The following TMEM178B variants were observed in gnomAD, a reference collection of about 807,000 sequenced individuals.
TMEM178B encodes transmembrane protein 178B.
A neutral mutation model predicts 31.0 loss-of-function variants in TMEM178B; 5 were observed. The ratio of observed to expected loss-of-function variants is 0.16; its 90% CI spans 0.08 to 0.34. TMEM178B has a LOEUF of 0.34. Ranked by LOEUF, TMEM178B falls within the 10% of genes least tolerant of loss-of-function variation. The probability of loss-of-function intolerance (pLI) is 1.00; values close to 1 mark genes in which losing one functional copy is unlikely to be tolerated. For synonymous variants in TMEM178B, 164 were observed against 164.0 expected (o/e 1.00, Z 0.00); for missense variants, 275 against 400.3 (o/e 0.69, Z 2.67).
At chr7:141,178,875 C>G (rs1452012899) in intron 1 of TMEM178B, among the ~76,000 whole-genome samples, 1 of 152,150 alleles carries the variant, frequency 6.6e-6, no homozygotes, top group African/African-American at 2.4e-5. Flanking sequence ...AGACTTTTGT[C>G]TAGAGGAAGC....
chr7:141,167,914 A>C (rs143518894), intron 1 of TMEM178B, among the ~76,000 whole-genome samples: 470 of 152,272 alleles, frequency 3.1e-3, no homozygotes, highest in Middle Eastern at 6.8e-3. Flanking sequence ...TTGCCCCTAC[A>C]TTTTTGTAAA....
intron 2 of TMEM178B, among the ~76,000 whole-genome samples, chr7:141,403,956 A>G (rs1447804179): frequency 6.6e-6 from 1 of 152,176 alleles, no homozygotes; most frequent in African/African-American, 2.4e-5. Context: ...GTTTACCCCC[A>G]ATGTGTTAGT....
intron 2 of TMEM178B, among the ~76,000 whole-genome samples, chr7:141,213,792 A>C (rs2129188037): frequency 6.6e-6 from 1 of 152,356 alleles, no homozygotes; most frequent in African/African-American, 2.4e-5. Flanking sequence ...AAAATTAAAC[A>C]GAACAATCAT....
intron 1 of TMEM178B, among the ~76,000 whole-genome samples, chr7:141,117,536 G>A (rs529372444): frequency 1.4e-4 from 22 of 152,168 alleles, no homozygotes; most frequent in Non-Finnish European, 2.5e-4. Context: ...GTCAATTTTG[G>A]CTTTTGTTGC....
At chr7:141,375,418 G>A (rs1035445479) in intron 2 of TMEM178B, among the ~76,000 whole-genome samples, 1 of 152,170 alleles carries the variant, frequency 6.6e-6, no homozygotes, top group African/African-American at 2.4e-5. Context: ...GTCAAAGTCA[G>A]ACCCTTATTT....
At chr7:141,160,722 A>G (rs1170505337) in intron 1 of TMEM178B, among the ~76,000 whole-genome samples, 1 of 152,152 alleles carries the variant, frequency 6.6e-6, no homozygotes, top group African/African-American at 2.4e-5. Context: ...AGTCACCTGG[A>G]ACCAGCCATG....
intron 2 of TMEM178B, among the ~76,000 whole-genome samples, chr7:141,217,468 A>C (rs755670649): frequency 2.0e-5 from 3 of 152,182 alleles, no homozygotes; most frequent in Non-Finnish European, 4.4e-5. Flanking sequence ...GATGGCATGG[A>C]GCTGGGCCTT....
the TMEM178B span, among the ~76,000 whole-genome samples, chr7:141,499,957 GAAGTA>G: frequency 6.6e-6 from 1 of 152,076 alleles, no homozygotes; most frequent in Admixed American, 6.5e-5. Flanking sequence ...TCTCCAATCA[GAAGTA>G]AAGTATTCAA....
chr7:141,457,470 C>A, intron 3 of TMEM178B, among the ~76,000 whole-genome samples: 1 of 151,912 alleles, frequency 6.6e-6, no homozygotes, highest in African/African-American at 2.4e-5. Flanking sequence ...GATACAGAAA[C>A]TGAGGCCGAA....
rs928273571 is a variant in TMEM178B, at chr7:141,479,179, T to G, written c.*8393T>G. On this transcript the variant is annotated 3_prime_UTR_variant, in exon 4 of 4. Transcript: ENST00000565468. The stretch of plus-strand genomic sequence containing the variant: ...CCCTTAACCTGATCCCCTTATCATA[T>G]AGTGGGGAAGGGGCAGGCAGGCCTT... The G allele has an allele frequency of 2.0e-5, 3 of 152,254 alleles. No individual in the cohort carries two copies. Among genetic ancestry groups the G allele is most frequent in the Non-Finnish European group, 4.4e-5 (3 of 68,074 alleles). The allele number at this position is 152,254 out of a possible 1,614,324, so 9.4% of individuals were successfully genotyped here.
chr7:141,207,376 G>A (rs1796983680), intron 1 of TMEM178B, among the ~76,000 whole-genome samples: 1 of 152,220 alleles, frequency 6.6e-6, no homozygotes, highest in Non-Finnish European at 1.5e-5. Context: ...GAGCCCCACA[G>A]TGGCTGCACT....
intron 2 of TMEM178B, among the ~76,000 whole-genome samples, chr7:141,436,717 T>G (rs1586959577): frequency 6.6e-6 from 1 of 151,588 alleles, no homozygotes; most frequent in Non-Finnish European, 1.5e-5. Context: ...AGGGCAGGGG[T>G]GGGAGCTGGG....
intron 2 of TMEM178B, among the ~76,000 whole-genome samples, chr7:141,420,201 C>G (rs955612108): frequency 1.1e-4 from 16 of 151,480 alleles, no homozygotes; most frequent in Admixed American, 4.6e-4. Flanking sequence ...TGCCCCCCCC[C>G]ACTACATACA....
chr7:141,204,478 C>T (rs983912454), intron 1 of TMEM178B, among the ~76,000 whole-genome samples: 4 of 152,152 alleles, frequency 2.6e-5, no homozygotes, highest in South Asian at 2.1e-4. Flanking sequence ...TTCCCAGGAG[C>T]GTCCACTGCA....
At chr7:141,275,906 A>G (rs1248281446) in intron 2 of TMEM178B, among the ~76,000 whole-genome samples, 3 of 152,232 alleles carry the variant, frequency 2.0e-5, no homozygotes, top group South Asian at 2.1e-4. Context: ...TCCTCGTGCT[A>G]CAATGGATGT....
chr7:141,433,138 C>A (rs1801468843), intron 2 of TMEM178B, among the ~76,000 whole-genome samples: 1 of 152,222 alleles, frequency 6.6e-6, no homozygotes, highest in African/African-American at 2.4e-5. Context: ...ACCTGTTGAT[C>A]TCCAAACCTA....
intron 1 of TMEM178B, among the ~76,000 whole-genome samples, chr7:141,082,392 C>T (rs1179479891): frequency 6.6e-6 from 1 of 152,200 alleles, no homozygotes; most frequent in Non-Finnish European, 1.5e-5. Context: ...GGGTCCTGTA[C>T]TTAGTAGGTT....
chr7:141,176,912 T>C (rs775577510), intron 1 of TMEM178B, among the ~76,000 whole-genome samples: 4 of 152,218 alleles, frequency 2.6e-5, no homozygotes, highest in African/African-American at 9.6e-5. Flanking sequence ...CCTGGATTCA[T>C]TGATTTTTTT....
chr7:141,499,663 C>T, the TMEM178B span, among the ~76,000 whole-genome samples: 1 of 151,794 alleles, frequency 6.6e-6, no homozygotes, highest in Non-Finnish European at 1.5e-5. Context: ...AAAAACCCCA[C>T]AAAAGATAAG....
Sources: gnomAD v4.1 joint callset for allele counts (sites outside exome capture counted in the v4.1 genomes callset) on GRCh38, gnomAD v4.1.1 for gene constraint, MANE v1.5 for transcripts, NCBI Gene and HGNC (gene_info 2026-07-23, HGNC 2026-07-21) for gene names.